The following NBL1 variants were observed in gnomAD, a reference collection of about 807,000 sequenced individuals.
NBL1 encodes the protein neuroblastoma suppressor of tumorigenicity 1.
In NBL1, 9 loss-of-function variants were observed where a neutral mutation model predicts 16.0. That is an observed-to-expected ratio of 0.56 (90% CI 0.34 to 0.98). The LOEUF (loss-of-function observed/expected upper bound fraction) is 0.98. NBL1 is among the 50% of genes least tolerant of loss of function. The pLI is 0.02. For missense variants in NBL1, 196 were observed against 243.1 expected (o/e 0.81, Z 1.29); for synonymous variants, 86 against 100.7 (o/e 0.85, Z 0.87).
chr1:19,645,731 C>T, intron 1 of NBL1: 2 of 1,345,214 alleles, frequency 1.5e-6, no homozygotes, highest in South Asian at 1.5e-5. Flanking sequence ...CCCCTCTCCA[C>T]CCACCCCTGC....
chr1:19,655,037 C>T lies in NBL1; in HGVS notation c.7C>T (p.Leu3Phe), dbSNP rs144752855. 2.7e-4 allele frequency: 433 copies of T among 1,608,330 alleles called. 2 individuals are homozygous for T. In the African/African-American group the frequency reaches 5.4e-3, roughly 20 times the overall value. MM[L>F]RVLVGAVLPA... is the part of the protein sequence containing the mutation. ...GGCTCTGGAGGCCACGGGCATGATG[C>T]TTCGGGTCCTGGTGGGGGCTGTCCT... The change falls in exon 2 of 4, where the codon CTT becomes TTT. Residue 3 changes from leucine to phenylalanine, a missense_variant. By Grantham distance (22) the Leu-to-Phe change is conservative (BLOSUM62 0). Transcript: ENST00000375136.
chr1:19,649,661 C>T (rs573483195), intron 1 of NBL1, among the ~76,000 whole-genome samples: 1 of 152,038 alleles, frequency 6.6e-6, no homozygotes, highest in African/African-American at 2.4e-5. Flanking sequence ...CCTGGCCTCC[C>T]ATAGAATTAT....
At position 19,655,454 on chromosome 1, in the gene NBL1, C is replaced by T. The variant is rs754167547; in HGVS notation, c.282+19C>T. 1.2e-6 allele frequency: 2 copies of T among 1,612,774 alleles called. No individual in the cohort carries two copies. The highest frequency in any genetic ancestry group is 1.7e-5 in the Admixed American group (1 of 59,924). On this transcript the variant is annotated intron_variant, in intron 3 of 3. Transcript: ENST00000375136. ...GGAGATTGTGAGTACTGCCTGCCTG[C>T]CCCACCCAGTCTCGGCCCGGAGCCT...
chr1:19,649,638 G>A (rs1178548430), intron 1 of NBL1, among the ~76,000 whole-genome samples: 4 of 152,136 alleles, frequency 2.6e-5, no homozygotes, highest in East Asian at 3.9e-4. Flanking sequence ...GATTACAGGC[G>A]TGAGCCACTG....
chr1:19,650,783 GTAAACCAACAAAAAAGCA>G (rs913656336), intron 1 of NBL1, among the ~76,000 whole-genome samples: 7 of 151,568 alleles, frequency 4.6e-5, no homozygotes, highest in Non-Finnish European at 1.0e-4. Context: ...ACAAAAAAGC[GTAAACCAACAAAAAAGCA>G]TAAACCAACA....
intron 1 of NBL1, among the ~76,000 whole-genome samples, chr1:19,649,418 G>A (rs2095008215): frequency 6.6e-6 from 1 of 152,028 alleles, no homozygotes; most frequent in African/African-American, 2.4e-5. Flanking sequence ...GAGTGCAGTG[G>A]TGCAATCTTG....
chr1:19,653,979 T>C (rs961387877), intron 1 of NBL1, among the ~76,000 whole-genome samples: 3 of 152,142 alleles, frequency 2.0e-5, no homozygotes, highest in Non-Finnish European at 4.4e-5. Context: ...GACTCACGTG[T>C]TAGAATGGGG....
rs775409340 is a variant in NBL1, at chr1:19,656,835, C to T, written c.283-31C>T. ...CTTGCCTGCCCCAGACCTTTGGGAA[C>T]ATGCCTCTGCTTCTCTCTTGCCCTC... On this transcript the variant is annotated intron_variant, in intron 3 of 3. Transcript: ENST00000375136. 5 of 1,587,010 alleles carry T rather than the reference C, an allele frequency of 3.2e-6. No homozygotes were observed. In the African/African-American group the frequency reaches 4.0e-5, roughly 13 times the overall value.
At chr1:19,643,324 CTCATGAG>C, upstream of NBL1, 1 of 1,614,016 alleles carries the variant, frequency 6.2e-7, no homozygotes, top group Non-Finnish European at 8.5e-7. The surrounding 1 kb of genome is among the most constrained non-coding windows in gnomAD (Gnocchi z 4.7). Context: ...GCCCGGCAAC[CTCATGAG>C]TCAGACAAGC....
upstream of NBL1, chr1:19,643,338 A>G (rs369507602): frequency 2.5e-5 from 41 of 1,614,022 alleles, no homozygotes; most frequent in African/African-American, 3.7e-4. This position sits in a 1 kb window ranked among gnomAD's most constrained non-coding sequence, Gnocchi z 4.7. Context: ...TGAGTCAGAC[A>G]AGCAGGGCTG....
intron 1 of NBL1, chr1:19,647,513 G>A (rs2094988250): frequency 1.4e-5 from 8 of 589,176 alleles, no homozygotes; most frequent in Non-Finnish European, 1.7e-5. Flanking sequence ...GGAGAATGGA[G>A]GAGGAGAGCC....
intron 1 of NBL1, chr1:19,645,550 GACC>G: frequency 9.8e-7 from 1 of 1,024,516 alleles, no homozygotes; most frequent in South Asian, 3.8e-5. Context: ...GGAGGCCAAA[GACC>G]GGGCGCTGGC....
intron 1 of NBL1, chr1:19,647,648 T>C (rs2094989488): frequency 2.0e-6 from 2 of 985,296 alleles, no homozygotes; most frequent in South Asian, 9.4e-5. Flanking sequence ...GACTGTGGTG[T>C]CACCTGAATG....
intron 2 of NBL1, 37 bp downstream of exon 2, chr1:19,655,237 G>T: frequency 1.2e-6 from 2 of 1,606,726 alleles, no homozygotes; most frequent in Non-Finnish European, 1.7e-6. Flanking sequence ...ATGCGGACAG[G>T]GGTCCAAGGA....
At chr1:19,645,817 A>G in intron 1 of NBL1, 2 of 1,464,046 alleles carry the variant, frequency 1.4e-6, no homozygotes, top group Non-Finnish European at 1.8e-6. Context: ...GGCCAGGGAT[A>G]TCGCCTCATT....
intron 1 of NBL1, among the ~76,000 whole-genome samples, chr1:19,651,628 C>T (rs957191956): frequency 2.0e-4 from 30 of 152,124 alleles, no homozygotes; most frequent in Admixed American, 1.1e-3. Flanking sequence ...ACTCCAAGTG[C>T]TCACCCCAGC....
chr1:19,657,189 G>C lies in NBL1; in HGVS notation c.*60G>C. 2.7e-6 allele frequency: 2 copies of C among 742,128 alleles called. No individual in the cohort carries two copies. Among genetic ancestry groups the C allele is most frequent in the Non-Finnish European group, 4.3e-6 (2 of 460,450 alleles). 46.0% of individuals were successfully genotyped at this position (742,128 alleles called of 1,614,324 possible). On this transcript the variant is annotated 3_prime_UTR_variant, in exon 4 of 4. Coordinates refer to ENST00000375136, the MANE Select transcript of NBL1 (RefSeq NM_005380.8). ...TGTGGAATGTTGGGTCTCACTCTCTGGGGAAGTCAGGGGAGAAGCTGAAGC... is the reference window on the plus strand; with the variant it reads ...TGTGGAATGTTGGGTCTCACTCTCTCGGGAAGTCAGGGGAGAAGCTGAAGC...
At chr1:19,655,526 G>A in intron 3 of NBL1, 91 bp downstream of exon 3, 1 of 1,412,864 alleles carries the variant, frequency 7.1e-7, no homozygotes, top group Non-Finnish European at 9.7e-7. Context: ...TCCAGCAGAT[G>A]GCCACAGGGC....
At chr1:19,643,303 C>A, upstream of NBL1, 1 of 1,613,548 alleles carries the variant, frequency 6.2e-7, no homozygotes, top group East Asian at 2.2e-5. This position sits in a 1 kb window ranked among gnomAD's most constrained non-coding sequence, Gnocchi z 4.7. Context: ...CCACTAGGAG[C>A]CACCCAGGAT....
Sources: allele counts gnomAD v4.1 joint callset (sites outside exome capture counted in the v4.1 genomes callset), GRCh38; gene constraint gnomAD v4.1.1; non-coding constraint Gnocchi (gnomAD v3.1); transcripts MANE v1.5; gene names NCBI Gene and HGNC (gene_info 2026-07-23, HGNC 2026-07-21).